Variants in CTNNA3 observed in about 807,000 individuals in gnomAD.
CTNNA3 encodes the protein catenin alpha-3.
In CTNNA3, 76 loss-of-function variants were observed where a neutral mutation model predicts 95.7. That is an observed-to-expected ratio of 0.79 (90% CI 0.66 to 0.96). The LOEUF (loss-of-function observed/expected upper bound fraction) is 0.96, where lower values mean the gene tolerates loss of function less well. CTNNA3 is among the 40% of genes least tolerant of loss of function. The pLI is 0.00. For missense variants in CTNNA3, 1,191 were observed against 1,089.8 expected, an observed-to-expected ratio of 1.09 and a Z score of -1.31; for synonymous variants, 431 against 374.4, an observed-to-expected ratio of 1.15 and a Z score of -1.74.
intron 7 of CTNNA3, among the ~76,000 whole-genome samples, chr10:66,802,949 G>A (rs1841487826): frequency 6.6e-6 from 1 of 151,828 alleles, no homozygotes; most frequent in African/African-American, 2.4e-5. Context: ...ATCATCTGAG[G>A]GGTTGTGGTG....
At chr10:66,673,972 A>G (rs1846755341) in intron 9 of CTNNA3, among the ~76,000 whole-genome samples, 2 of 152,048 alleles carry the variant, frequency 1.3e-5, no homozygotes, top group South Asian at 4.1e-4. Context: ...AATAATATCT[A>G]GATGTGAGCC....
intron 7 of CTNNA3, among the ~76,000 whole-genome samples, chr10:66,816,180 A>G (rs1842073269): frequency 6.6e-6 from 1 of 152,136 alleles, no homozygotes; most frequent in African/African-American, 2.4e-5. Context: ...AACCACTATA[A>G]ACATAACTCT....
intron 11 of CTNNA3, among the ~76,000 whole-genome samples, chr10:66,487,189 T>A (rs1839764589): frequency 3.3e-5 from 3 of 92,150 alleles, no homozygotes; most frequent in African/African-American, 1.6e-4. Context: ...AGATTTTTTT[T>A]TTTTTTTTTT....
At chr10:66,129,867 G>A (rs2083005221) in intron 13 of CTNNA3, among the ~76,000 whole-genome samples, 1 of 151,956 alleles carries the variant, frequency 6.6e-6, no homozygotes, top group Non-Finnish European at 1.5e-5. Context: ...GTGCCTATGT[G>A]TGCCCTTGGG....
intron 13 of CTNNA3, among the ~76,000 whole-genome samples, chr10:66,203,883 C>A (rs780629064): frequency 1.3e-5 from 2 of 151,994 alleles, no homozygotes; most frequent in Non-Finnish European, 2.9e-5. Flanking sequence ...ATTCATATTA[C>A]TGCTTGTTCA....
chr10:67,238,534 T>C (rs772308019), intron 5 of CTNNA3, among the ~76,000 whole-genome samples: 3 of 152,178 alleles, frequency 2.0e-5, no homozygotes, highest in Non-Finnish European at 2.9e-5. Context: ...TGGGTAATCA[T>C]GGTCATCATA....
chr10:66,012,195 T>TA (rs1410456291), intron 15 of CTNNA3, among the ~76,000 whole-genome samples: 1 of 152,084 alleles, frequency 6.6e-6, no homozygotes, highest in Non-Finnish European at 1.5e-5. Flanking sequence ...AGAGTAAAGT[T>TA]AAAAAAACAA....
intron 13 of CTNNA3, among the ~76,000 whole-genome samples, chr10:66,205,718 G>A (rs1000413243): frequency 8.6e-5 from 13 of 151,816 alleles, no homozygotes; most frequent in African/African-American, 2.9e-4. Context: ...GCATACCAGC[G>A]TCATCATTTT....
At chr10:67,028,290 G>T (rs1034752243) in intron 7 of CTNNA3, among the ~76,000 whole-genome samples, 1 of 152,100 alleles carries the variant, frequency 6.6e-6, no homozygotes, top group Non-Finnish European at 1.5e-5. Context: ...GGCACAGGCA[G>T]ATAAATTAAA....
rs1011082593 is a variant in CTNNA3, at chr10:67,192,064, A to C, written c.844-11544T>G. ...AAAATAAAATTCGACCCTTATCTACACCACTCACAAAAATTAACTTGAAAT... is the reference window on the plus strand; with the variant it reads ...AAAATAAAATTCGACCCTTATCTACCCCACTCACAAAAATTAACTTGAAAT... On this transcript the variant is annotated intron_variant, in intron 6 of 17. Coordinates refer to ENST00000433211, the MANE Select transcript of CTNNA3 (RefSeq NM_013266.4). Among the ~76,000 whole-genome samples the C allele has an allele frequency of 6.6e-5, 10 of 151,966 alleles. No individual in the cohort carries two copies. In the South Asian group the frequency reaches 2.1e-3, roughly 31 times the overall value.
chr10:67,312,064 CATTTAA>C (rs1305155788), intron 5 of CTNNA3, among the ~76,000 whole-genome samples: 6 of 142,268 alleles, frequency 4.2e-5, no homozygotes, highest in South Asian at 2.2e-4. Context: ...AAAATATATA[CATTTAA>C]ATTACTTTTT....
intron 7 of CTNNA3, among the ~76,000 whole-genome samples, chr10:66,815,040 C>A (rs371918934): frequency 2.0e-5 from 3 of 151,522 alleles, no homozygotes; most frequent in Non-Finnish European, 4.4e-5. Flanking sequence ...TTAGTAGAGA[C>A]GGGGTTTCAC....
chr10:67,438,765 C>T (rs1378424873), intron 5 of CTNNA3, among the ~76,000 whole-genome samples: 2 of 152,188 alleles, frequency 1.3e-5, no homozygotes, highest in Non-Finnish European at 2.9e-5. Context: ...GGCTGGGGCA[C>T]TTGCTGCCTT....
intron 10 of CTNNA3, among the ~76,000 whole-genome samples, chr10:66,546,143 T>C (rs185103320): frequency 1.2e-4 from 19 of 152,026 alleles, no homozygotes; most frequent in Admixed American, 6.6e-4. Flanking sequence ...ACTACTCTTA[T>C]TTCCTATTAA....
chr10:66,094,729 AGAGTT>A (rs2081328344), intron 14 of CTNNA3, among the ~76,000 whole-genome samples: 1 of 152,168 alleles, frequency 6.6e-6, no homozygotes, highest in Admixed American at 6.6e-5. Context: ...TTGTTTCAGC[AGAGTT>A]GAGCTCAGAA....
chr10:67,315,168 C>T (rs1840988827), intron 5 of CTNNA3, among the ~76,000 whole-genome samples: 1 of 152,130 alleles, frequency 6.6e-6, no homozygotes, highest in Non-Finnish European at 1.5e-5. Flanking sequence ...TTCTGTCTAC[C>T]TCAAGTATGT....
At chr10:67,187,477 TCTC>T (rs1372596951) in intron 6 of CTNNA3, among the ~76,000 whole-genome samples, 3 of 152,130 alleles carry the variant, frequency 2.0e-5, no homozygotes, top group Admixed American at 1.3e-4. Context: ...ACTCATTTCT[TCTC>T]CTCCTTGTCT....
intron 9 of CTNNA3, among the ~76,000 whole-genome samples, chr10:66,738,689 C>A (rs1275429996): frequency 1.3e-5 from 2 of 152,106 alleles, no homozygotes; most frequent in Non-Finnish European, 2.9e-5. Context: ...TCATTTTAAT[C>A]TCCATCACTA....
intron 11 of CTNNA3, among the ~76,000 whole-genome samples, chr10:66,431,081 C>T (rs1403680866): frequency 1.3e-5 from 2 of 151,150 alleles, no homozygotes; most frequent in Admixed American, 1.3e-4. Flanking sequence ...AAAAAGTGGG[C>T]AAAGGATATG....
Sources: allele counts gnomAD v4.1 joint callset (sites outside exome capture counted in the v4.1 genomes callset), GRCh38; gene constraint gnomAD v4.1.1; transcripts MANE v1.5; gene names NCBI Gene and HGNC (gene_info 2026-07-23, HGNC 2026-07-21).